Variants in TUSC3 observed in about 807,000 individuals in gnomAD.
TUSC3 encodes tumor suppressor candidate 3.
In TUSC3, 45 loss-of-function variants were observed where a neutral mutation model predicts 44.8. The observed-to-expected ratio is 1.00, with a 90% CI of 0.79 to 1.29. The LOEUF (loss-of-function observed/expected upper bound fraction) is 1.29. TUSC3 is among the 50% of genes most tolerant of loss of function. TUSC3 has a pLI of 0.00. For synonymous variants in TUSC3, 212 were observed against 152.9 expected (o/e 1.39, Z -2.85); for missense variants, 519 against 437.9 (o/e 1.19, Z -1.65).
At chr8:15,822,716 A>G in the TUSC3 span, among the ~76,000 whole-genome samples, 1 of 152,164 alleles carries the variant, frequency 6.6e-6, no homozygotes, top group Non-Finnish European at 1.5e-5. Context: ...AGGTATGAAA[A>G]GCAGGAAAAT....
intron 1 of TUSC3, among the ~76,000 whole-genome samples, chr8:15,600,809 G>T (rs1804255269): frequency 6.6e-6 from 1 of 151,474 alleles, no homozygotes; most frequent in African/African-American, 2.4e-5. Flanking sequence ...TATTGATCTT[G>T]CTTATAAAGG....
chr8:15,494,950 C>T (rs1255393035), intron 2 of TUSC3, among the ~76,000 whole-genome samples: 1 of 152,144 alleles, frequency 6.6e-6, no homozygotes, highest in Non-Finnish European at 1.5e-5. Flanking sequence ...ATAGCAAAAA[C>T]ATTGTGTCCA....
chr8:15,843,836 G>A, the TUSC3 span, among the ~76,000 whole-genome samples: 8 of 152,068 alleles, frequency 5.3e-5, no homozygotes, highest in South Asian at 1.5e-3. Flanking sequence ...TATCTCATGT[G>A]TCAGTAAGAT....
At chr8:15,786,214 A>T in the TUSC3 span, among the ~76,000 whole-genome samples, 1 of 152,250 alleles carries the variant, frequency 6.6e-6, no homozygotes, top group Non-Finnish European at 1.5e-5. Context: ...ACTTCATTAC[A>T]TACAAGCTTG....
At chr8:15,499,157 G>C (rs922431180) in intron 2 of TUSC3, among the ~76,000 whole-genome samples, 2 of 152,044 alleles carry the variant, frequency 1.3e-5, no homozygotes, top group East Asian at 3.9e-4. Context: ...TGTGCCTCTT[G>C]TTAATGCCAA....
At chr8:15,582,297 C>A (rs1190567249) in intron 1 of TUSC3, among the ~76,000 whole-genome samples, 1 of 152,176 alleles carries the variant, frequency 6.6e-6, no homozygotes, top group Non-Finnish European at 1.5e-5. Flanking sequence ...GAGCTGTAGA[C>A]CGGAGCTGTT....
chr8:15,796,707 A>G, the TUSC3 span, among the ~76,000 whole-genome samples: 5 of 152,204 alleles, frequency 3.3e-5, no homozygotes, highest in Admixed American at 2.0e-4. Context: ...CAAAGTTTCT[A>G]CCAAAAAGAT....
At chr8:15,831,503 G>A in the TUSC3 span, among the ~76,000 whole-genome samples, 19 of 152,216 alleles carry the variant, frequency 1.2e-4, no homozygotes, top group African/African-American at 1.9e-4. Flanking sequence ...AAAAAAGATC[G>A]TTGAGATGCA....
At chr8:15,768,680 A>C (rs923420229), downstream of TUSC3, among the ~76,000 whole-genome samples, 1 of 152,224 alleles carries the variant, frequency 6.6e-6, no homozygotes, top group Non-Finnish European at 1.5e-5. Context: ...ATGGTTGTAC[A>C]TTTAGAATAC....
intron 1 of TUSC3, among the ~76,000 whole-genome samples, chr8:15,582,366 A>G (rs559464558): frequency 6.6e-6 from 1 of 152,364 alleles, no homozygotes; most frequent in East Asian, 1.9e-4. Context: ...AGGTACTTGA[A>G]GGATGAGACT....
At chr8:15,770,207 T>G (rs181889623), downstream of TUSC3, among the ~76,000 whole-genome samples, 4 of 152,176 alleles carry the variant, frequency 2.6e-5, no homozygotes, top group African/African-American at 7.2e-5. Context: ...GTGGCACATA[T>G]GCACCATGGA....
intron 2 of TUSC3, among the ~76,000 whole-genome samples, chr8:15,531,765 T>C (rs771428733): frequency 6.6e-6 from 1 of 152,222 alleles, no homozygotes; most frequent in African/African-American, 2.4e-5. Context: ...CTTCTGCCTG[T>C]AACATTTCCT....
At chr8:15,474,288 C>G (rs1800538534) in intron 1 of TUSC3, among the ~76,000 whole-genome samples, 1 of 152,108 alleles carries the variant, frequency 6.6e-6, no homozygotes, top group South Asian at 2.1e-4. Context: ...ACATGTTTTA[C>G]AATCAATTTG....
chr8:15,608,633 T>C (rs562833794), intron 1 of TUSC3, among the ~76,000 whole-genome samples: 1 of 152,268 alleles, frequency 6.6e-6, no homozygotes, highest in South Asian at 2.1e-4. Flanking sequence ...CCCCATGTTG[T>C]TCTTGTGATA....
intron 6 of TUSC3, among the ~76,000 whole-genome samples, chr8:15,707,640 T>C (rs1469608472): frequency 6.6e-6 from 1 of 151,942 alleles, no homozygotes; most frequent in Non-Finnish European, 1.5e-5. Context: ...AACAGCAGCT[T>C]ATTGCCTAGA....
intron 2 of TUSC3, among the ~76,000 whole-genome samples, chr8:15,528,999 A>T (rs1801414428): frequency 6.6e-6 from 1 of 152,184 alleles, no homozygotes; most frequent in African/African-American, 2.4e-5. Flanking sequence ...GTTCTTTGAA[A>T]TTTTATTTCT....
the TUSC3 span, among the ~76,000 whole-genome samples, chr8:15,802,547 A>G: frequency 4.6e-5 from 7 of 152,146 alleles, no homozygotes; most frequent in Admixed American, 4.6e-4. Flanking sequence ...TCAGCCTCCC[A>G]ACTAGCTAGG....
intron 5 of TUSC3, among the ~76,000 whole-genome samples, chr8:15,663,902 G>A (rs541583485): frequency 6.6e-6 from 1 of 151,812 alleles, no homozygotes; most frequent in East Asian, 1.9e-4. Context: ...AACTTCTTTG[G>A]TATTTAAGAG....
intron 6 of TUSC3, among the ~76,000 whole-genome samples, chr8:15,687,032 C>T (rs929421249): frequency 6.6e-6 from 1 of 152,092 alleles, no homozygotes; most frequent in African/African-American, 2.4e-5. Context: ...GAGATCGTGC[C>T]ACTGCACTGC....
Sources: allele counts gnomAD v4.1 joint callset (sites outside exome capture counted in the v4.1 genomes callset), GRCh38; gene constraint gnomAD v4.1.1; transcripts MANE v1.5; gene names NCBI Gene and HGNC (gene_info 2026-07-23, HGNC 2026-07-21).